ABCA1: variants seen among roughly 807,000 people sequenced by gnomAD.
The protein encoded by ABCA1 is phospholipid-transporting ATPase ABCA1.
Under a neutral mutation model 262.5 loss-of-function variants are expected in ABCA1, and 133 were observed. The observed-to-expected ratio is 0.51, with a 90% CI of 0.44 to 0.59. ABCA1 has a LOEUF of 0.59. Among genes scored for constraint, ABCA1 ranks in the 20% least tolerant of loss-of-function variants. The pLI is 0.00. For synonymous variants in ABCA1, 1,022 were observed against 1,043.5 expected (o/e 0.98, Z 0.40); for missense variants, 2,452 against 2,777.5 (o/e 0.88, Z 2.63).
chr9:104,831,753 A>G lies in ABCA1; in HGVS notation c.1584T>C (p.Asp528=). The change falls in exon 13 of 50, where the codon GAT becomes GAC. Residue 528 remains aspartate (D), a synonymous_variant. Transcript: ENST00000374736. The part of the protein sequence containing the change: ...WLINKSMELL[D]ERKFWAGIVF... ...CAATACCAGCCCAGAACTTCCTCTC[A>G]TCCAGCAGCTCCATGGACTTGTTGA... The G allele has an allele frequency of 6.2e-7, 1 of 1,614,154 alleles. No homozygotes were observed. Among genetic ancestry groups the G allele is most frequent in the Non-Finnish European group, 8.5e-7 (1 of 1,180,024 alleles).
chr9:104,845,532 T>G lies in ABCA1; in HGVS notation c.758A>C (p.Glu253Ala), dbSNP rs748306010. 2 of 1,614,082 alleles carry G rather than the reference T, an allele frequency of 1.2e-6. No homozygotes were observed. The highest frequency in any genetic ancestry group is 1.7e-6 in the Non-Finnish European group (2 of 1,179,952). The change falls in exon 8 of 50, where the codon GAG becomes GCG. Residue 253 changes from glutamate to alanine, a missense_variant. Physicochemically the swap from Glu to Ala is moderately radical, Grantham distance 107 (BLOSUM62 -1). This residue lies in a region of ABCA1 where 1,032 missense variants were observed against 1,089.7 expected (regional missense o/e 0.95). Transcript: ENST00000374736. ...CAATGTTTTTGTGGCTTCAGCCAGC[T>G]CCTTGCTCGGGAAGGGAGATGTAGA... ...LNSTSPFPSK[E>A]LAEATKTLLH...
At chr9:104,885,479 AAC>A (rs67668444) in intron 3 of ABCA1, among the ~76,000 whole-genome samples, 17,566 of 152,094 alleles carry the variant, frequency 0.12, 1,078 homozygotes, top group Middle Eastern at 0.21. Context: ...GCACCTGAAA[AAC>A]ACACAGGCTT....
chr9:104,862,643 CCGGGCCGGGCCGGG>C (rs1836558083), intron 5 of ABCA1, among the ~76,000 whole-genome samples: 1 of 3,490 alleles, frequency 2.9e-4, no homozygotes, highest in Non-Finnish European at 6.9e-4. Context: ...CCGGGCCGGG[CCGGGCCGGGCCGGG>C]CCGGGCCGGG....
At chr9:104,800,423 C>A (rs924959351) in intron 35 of ABCA1, 87 bp downstream of exon 35, 2 of 1,304,832 alleles carry the variant, frequency 1.5e-6, no homozygotes, top group Admixed American at 3.4e-5. Flanking sequence ...AATGCCCCTG[C>A]CAACTTTACC....
intron 18 of ABCA1, among the ~76,000 whole-genome samples, chr9:104,823,866 CA>C: frequency 6.6e-6 from 1 of 152,228 alleles, no homozygotes; most frequent in South Asian, 2.1e-4. Context: ...CAAGGGCAAT[CA>C]GGGGATGGGC....
At chr9:104,901,580 T>C (rs1012776227) in intron 2 of ABCA1, among the ~76,000 whole-genome samples, 2 of 151,914 alleles carry the variant, frequency 1.3e-5, no homozygotes, top group South Asian at 4.2e-4. Flanking sequence ...AGGACGGACA[T>C]AGAGGACTGG....
At chr9:104,861,000 C>T (rs1436885422) in intron 6 of ABCA1, among the ~76,000 whole-genome samples, 1 of 152,030 alleles carries the variant, frequency 6.6e-6, no homozygotes. Flanking sequence ...AAGTGATTTT[C>T]CCGCCTTGGC....
At chr9:104,867,001 G>A (rs1165644559) in intron 5 of ABCA1, among the ~76,000 whole-genome samples, 1 of 152,190 alleles carries the variant, frequency 6.6e-6, no homozygotes, top group Non-Finnish European at 1.5e-5. Context: ...ACTAATGAAT[G>A]AATGAATACA....
At chr9:104,908,875 T>C (rs1005338497) in intron 1 of ABCA1, among the ~76,000 whole-genome samples, 1 of 152,122 alleles carries the variant, frequency 6.6e-6, no homozygotes, top group African/African-American at 2.4e-5. Flanking sequence ...TGACCAGTGG[T>C]CATGGGTGGA....
intron 45 of ABCA1, 113 bp downstream of exon 45, chr9:104,788,313 C>T: frequency 1.4e-6 from 2 of 1,435,926 alleles, no homozygotes; most frequent in South Asian, 1.1e-5. Context: ...GCATTTTGTG[C>T]TGCTGCATTC....
chr9:104,871,655 T>C (rs1050446074), intron 5 of ABCA1, among the ~76,000 whole-genome samples: 1 of 152,008 alleles, frequency 6.6e-6, no homozygotes, highest in African/African-American at 2.4e-5. Flanking sequence ...AGAAGATAGC[T>C]GAGATGAAAA....
intron 21 of ABCA1, 100 bp downstream of exon 21, chr9:104,819,827 G>T: frequency 6.2e-7 from 1 of 1,609,336 alleles, no homozygotes; most frequent in South Asian, 1.1e-5. Context: ...GTTACCAACC[G>T]CACCCAGCCT....
At chr9:104,896,023 T>C (rs1019078740) in intron 2 of ABCA1, among the ~76,000 whole-genome samples, 1 of 152,020 alleles carries the variant, frequency 6.6e-6, no homozygotes, top group African/African-American at 2.4e-5. Flanking sequence ...GAGAATATAA[T>C]GGGGGATAAA....
At chr9:104,840,144 A>C in intron 9 of ABCA1, 135 bp downstream of exon 9, 15 of 1,449,240 alleles carry the variant, frequency 1.0e-5, no homozygotes, top group Non-Finnish European at 1.4e-5. Context: ...TCCTCTAGGA[A>C]GAGCTCAGTC....
At chr9:104,889,417 T>G in intron 2 of ABCA1, 2 of 974,230 alleles carry the variant, frequency 2.1e-6, no homozygotes, top group Non-Finnish European at 2.4e-6. Flanking sequence ...GGGAAGATGC[T>G]TCCTATCGTG....
chr9:104,784,515 T>C (rs1302884391), intron 49 of ABCA1, 60 bp from the exon 50 acceptor site: 2 of 1,602,700 alleles, frequency 1.2e-6, no homozygotes, highest in Non-Finnish European at 1.7e-6. Context: ...TTCTTTATTC[T>C]AGTTCTATTT....
At chr9:104,908,891 C>G (rs922918191) in intron 1 of ABCA1, among the ~76,000 whole-genome samples, 2 of 151,992 alleles carry the variant, frequency 1.3e-5, no homozygotes, top group South Asian at 4.1e-4. Context: ...GTGGAGGGGA[C>G]GACAGACTGA....
At chr9:104,903,529 TC>T in intron 2 of ABCA1, 84 bp downstream of exon 2, 1 of 1,326,424 alleles carries the variant, frequency 7.5e-7, no homozygotes, top group African/African-American at 1.5e-5. Flanking sequence ...ACAGCTTCCT[TC>T]CCTCCCTCCC....
At chr9:104,804,019 T>C (rs141152881) in intron 32 of ABCA1, among the ~76,000 whole-genome samples, 1,805 of 152,274 alleles carry the variant, frequency 0.012, 20 homozygotes, top group Middle Eastern at 0.038. Context: ...CCATGCCATT[T>C]AAAGTCACTG....
Sources: allele counts gnomAD v4.1 joint callset (sites outside exome capture counted in the v4.1 genomes callset), GRCh38; gene constraint gnomAD v4.1.1; regional missense constraint gnomAD v4.1.1; transcripts MANE v1.5; gene names NCBI Gene and HGNC (gene_info 2026-07-23, HGNC 2026-07-21).